Variants in DKK3 observed in about 807,000 individuals in gnomAD.
The protein encoded by DKK3 is dickkopf-related protein 3.
A neutral mutation model predicts 33.2 loss-of-function variants in DKK3; 22 were observed. The ratio of observed to expected loss-of-function variants is 0.66; its 90% confidence interval spans 0.47 to 0.95. The LOEUF is 0.95. Ranked by LOEUF, DKK3 falls within the 40% of genes least tolerant of loss-of-function variation. The pLI is 0.00. For synonymous variants in DKK3, 194 were observed against 188.8 expected, an observed-to-expected ratio of 1.03 and a Z score of -0.23; for missense variants, 398 against 458.4, an observed-to-expected ratio of 0.87 and a Z score of 1.20.
chr11:11,980,524 T>C (rs1005755964), intron 3 of DKK3, among the ~76,000 whole-genome samples: 2 of 152,212 alleles, frequency 1.3e-5, no homozygotes, highest in African/African-American at 2.4e-5. Context: ...CTGATTTTTC[T>C]GACCTCCCTA....
intron 1 of DKK3, among the ~76,000 whole-genome samples, chr11:12,003,511 C>T (rs1168211744): frequency 6.6e-6 from 1 of 152,170 alleles, no homozygotes; most frequent in African/African-American, 2.4e-5. Flanking sequence ...TATCTGCACC[C>T]AACTTCCCCT....
rs958004255 is a variant in DKK3 at position 11,991,663 on chromosome 11, T to C, written c.435+7033A>G. ...ACAATGTGATGCCTGTGCACCTTCA[T>C]CTTCTGCCATGAGTGAGGGCTTTCC... On this transcript the variant is annotated intron_variant, in intron 3 of 6. Transcript: ENST00000683431. 1.0e-3 allele frequency among the ~76,000 whole-genome samples: 152 copies of C among 152,236 alleles called. 1 individual carries two copies. Among genetic ancestry groups the C allele is most frequent in the African/African-American group, 3.6e-3 (148 of 41,568 alleles).
At chr11:11,986,262 T>C (rs1848068995) in intron 3 of DKK3, among the ~76,000 whole-genome samples, 1 of 152,198 alleles carries the variant, frequency 6.6e-6, no homozygotes, top group South Asian at 2.1e-4. Context: ...TCCCTGTGGC[T>C]GTATTTTCCA....
intron 3 of DKK3, among the ~76,000 whole-genome samples, chr11:11,970,136 G>A (rs1363551256): frequency 2.6e-5 from 4 of 152,182 alleles, no homozygotes; most frequent in Admixed American, 6.5e-5. Flanking sequence ...AAATGGAGTG[G>A]GAGGGACGAC....
At chr11:11,994,037 G>C (rs1304871056) in intron 3 of DKK3, among the ~76,000 whole-genome samples, 1 of 152,132 alleles carries the variant, frequency 6.6e-6, no homozygotes, top group Non-Finnish European at 1.5e-5. Context: ...CAGGAACACA[G>C]AGCTCCTGGC....
chr11:12,003,431 G>A (rs1371259976), intron 1 of DKK3, among the ~76,000 whole-genome samples: 1 of 152,132 alleles, frequency 6.6e-6, no homozygotes, highest in Non-Finnish European at 1.5e-5. Flanking sequence ...GGTTTCTGTG[G>A]CCGCTGTCCT....
At chr11:11,979,506 G>A (rs971391075) in intron 3 of DKK3, among the ~76,000 whole-genome samples, 5 of 152,228 alleles carry the variant, frequency 3.3e-5, no homozygotes, top group Non-Finnish European at 7.3e-5. Flanking sequence ...AGAGAGAAAG[G>A]AAGCTGGCTT....
At chr11:11,985,805 T>C (rs903981857) in intron 3 of DKK3, among the ~76,000 whole-genome samples, 2 of 152,220 alleles carry the variant, frequency 1.3e-5, no homozygotes, top group African/African-American at 2.4e-5. Context: ...TGAATATTTG[T>C]TCTCTTTCCT....
intron 1 of DKK3, among the ~76,000 whole-genome samples, chr11:12,003,360 C>A (rs1422092445): frequency 6.6e-6 from 1 of 152,274 alleles, no homozygotes; most frequent in Non-Finnish European, 1.5e-5. Context: ...GGTCAGTTAA[C>A]CAGTTCCCGG....
chr11:11,994,325 T>C (rs889590048), intron 3 of DKK3, among the ~76,000 whole-genome samples: 2 of 151,820 alleles, frequency 1.3e-5, no homozygotes, highest in African/African-American at 4.8e-5. Flanking sequence ...TTAGCCCCAT[T>C]TGATAGCTGA....
intron 2 of DKK3, chr11:12,001,987 A>G (rs905069745): frequency 1.8e-5 from 4 of 218,264 alleles, no homozygotes; most frequent in African/African-American, 9.1e-5. Flanking sequence ...AATGCTAGGA[A>G]AGGGTCTTTT....
intron 3 of DKK3, among the ~76,000 whole-genome samples, chr11:11,970,076 C>A (rs563161369): frequency 7.9e-5 from 12 of 152,298 alleles, no homozygotes; most frequent in African/African-American, 2.9e-4. Context: ...ACAACTCAGG[C>A]TGCTCAGCCG....
In DKK3 at chr11:11,967,056, C is replaced by A; in HGVS notation, c.571G>T (p.Val191Phe). 6.2e-7 allele frequency: 1 copy of A among 1,613,996 alleles called. No homozygotes were observed. The highest frequency in any genetic ancestry group is 1.3e-5 in the African/African-American group (1 of 75,038). Residue 191 changes from valine to phenylalanine, a missense_variant, in exon 5 of 7, where the codon GTC becomes TTC. By Grantham distance (50) the Val-to-Phe change is conservative. Transcript: ENST00000683431. ...GCCATTTTGGTGCAGTGACCCCAGA[C>A]ACACAGCTGGTCTCCACAGCACTCA... ...DSECCGDQLC[V>F]WGHCTKMATR...
At chr11:11,998,411 G>A (rs1487279812) in intron 3 of DKK3, 2 of 519,594 alleles carry the variant, frequency 3.8e-6, no homozygotes, top group Non-Finnish European at 6.9e-6. Context: ...CAGTCAACAT[G>A]TCTGGTACTT....
At position 11,967,245 on chromosome 11, in the gene DKK3, A is replaced by G. The variant is rs1590498071; in HGVS notation, c.529-147T>C. ...CCAGGCTGAGATTTCAGTGAAAGTC[A>G]GTGGGACAGAGGTGGGAGCTTGGCT... On this transcript the variant is annotated intron_variant, in intron 4 of 6. Transcript: ENST00000683431. 9 of 1,052,286 alleles carry G rather than the reference A, an allele frequency of 8.6e-6. No individual in the cohort carries two copies. In the East Asian group the frequency reaches 2.1e-4, roughly 24 times the overall value. The allele number at this position is 1,052,286 out of a possible 1,614,324, so 65.2% of individuals were successfully genotyped here.
chr11:11,971,839 A>T lies in DKK3; in HGVS notation c.436-3352T>A, dbSNP rs548189274. On this transcript the variant is annotated intron_variant, in intron 3 of 6. Transcript: ENST00000683431. ...TTGTTTTTCTAGGTACGGAAAAAAAATTTTGGCATGGAACTTTGCCAAAAA... is the reference window on the plus strand; with the variant it reads ...TTGTTTTTCTAGGTACGGAAAAAAATTTTTGGCATGGAACTTTGCCAAAAA... 3.9e-5 allele frequency among the ~76,000 whole-genome samples: 6 copies of T among 152,188 alleles called. No homozygotes were observed. In the South Asian group the frequency reaches 1.2e-3, roughly 32 times the overall value.
intron 3 of DKK3, among the ~76,000 whole-genome samples, chr11:11,980,854 C>T (rs1847939992): frequency 6.6e-6 from 1 of 152,184 alleles, no homozygotes; most frequent in Admixed American, 6.5e-5. Flanking sequence ...GCTTTTCTCT[C>T]TGAGGGGTGG....
chr11:11,997,273 C>G (rs1296111017), intron 3 of DKK3, among the ~76,000 whole-genome samples: 1 of 152,176 alleles, frequency 6.6e-6, no homozygotes, highest in East Asian at 1.9e-4. Context: ...AATTCACAAC[C>G]CTGTGAGTTC....
At chr11:11,988,487 C>T (rs1250304510) in intron 3 of DKK3, among the ~76,000 whole-genome samples, 1 of 152,238 alleles carries the variant, frequency 6.6e-6, no homozygotes, top group Non-Finnish European at 1.5e-5. Context: ...GTGACTGGGG[C>T]CTCTGTTGGC....
Sources: allele counts gnomAD v4.1 joint callset (sites outside exome capture counted in the v4.1 genomes callset), GRCh38; gene constraint gnomAD v4.1.1; transcripts MANE v1.5; gene names NCBI Gene and HGNC (gene_info 2026-07-23, HGNC 2026-07-21).